ASAP1: variants seen among roughly 807,000 people sequenced by gnomAD.
The protein encoded by ASAP1 is ArfGAP with SH3 domain, ankyrin repeat and PH domain 1, also known as arf-GAP with SH3 domain, ANK repeat and PH domain-containing protein 1.
In ASAP1, 43 loss-of-function variants were observed where a neutral mutation model predicts 145.2. That is an observed-to-expected ratio of 0.30 (90% CI 0.23 to 0.38). ASAP1 has a LOEUF of 0.38. ASAP1 is among the 10% of genes least tolerant of loss of function. ASAP1 has a pLI of 1.00. For missense variants in ASAP1, 1,018 were observed against 1,355.3 expected (o/e 0.75, Z 3.91); for synonymous variants, 546 against 515.5 (o/e 1.06, Z -0.80).
intron 2 of ASAP1, among the ~76,000 whole-genome samples, chr8:130,372,914 AC>A (rs1364922189): frequency 1.3e-5 from 2 of 152,088 alleles, no homozygotes; most frequent in Non-Finnish European, 2.9e-5. Flanking sequence ...AGACATATAG[AC>A]ACACATACAC....
At chr8:130,102,186 G>A (rs925268980) in intron 24 of ASAP1, among the ~76,000 whole-genome samples, 9 of 152,184 alleles carry the variant, frequency 5.9e-5, no homozygotes, top group Admixed American at 5.9e-4. Flanking sequence ...AGTTCTTAGA[G>A]AAAAAGCTTT....
intron 3 of ASAP1, among the ~76,000 whole-genome samples, chr8:130,343,917 T>C (rs189804447): frequency 5.4e-4 from 83 of 152,340 alleles, no homozygotes; most frequent in Non-Finnish European, 9.8e-4. Flanking sequence ...AGCAAAATAC[T>C]TGAAGTGACA....
chr8:130,259,636 A>G (rs1398677737), intron 3 of ASAP1, among the ~76,000 whole-genome samples: 1 of 152,246 alleles, frequency 6.6e-6, no homozygotes, highest in East Asian at 1.9e-4. Context: ...CTAATGAACC[A>G]TCATTATCTT....
chr8:130,237,894 C>A (rs1818306965), intron 3 of ASAP1, among the ~76,000 whole-genome samples: 1 of 152,028 alleles, frequency 6.6e-6, no homozygotes, highest in South Asian at 2.1e-4. Flanking sequence ...CTCTGGTCTG[C>A]TTGGGAACCC....
chr8:130,101,731 A>ATTTTTTTTTTTTTTTT, intron 24 of ASAP1, among the ~76,000 whole-genome samples: 1 of 39,632 alleles, frequency 2.5e-5, no homozygotes, highest in Admixed American at 2.3e-4. Flanking sequence ...ACACCTGGTT[A>ATTTTTTTTTTTTTTTT]ATTTTTTTTT....
intron 12 of ASAP1, among the ~76,000 whole-genome samples, chr8:130,158,217 C>A (rs1357201914): frequency 1.3e-5 from 2 of 151,640 alleles, no homozygotes; most frequent in African/African-American, 4.8e-5. Context: ...TAAAAAAAAA[C>A]AATGACAATA....
intron 3 of ASAP1, among the ~76,000 whole-genome samples, chr8:130,318,885 C>CTGAT (rs1187483400): frequency 3.3e-5 from 5 of 152,190 alleles, no homozygotes; most frequent in Non-Finnish European, 7.3e-5. Flanking sequence ...GGGCCTTCAG[C>CTGAT]TGATGGTCTC....
At chr8:130,080,416 A>G (rs550579457) in intron 25 of ASAP1, among the ~76,000 whole-genome samples, 4 of 152,022 alleles carry the variant, frequency 2.6e-5, no homozygotes, top group Admixed American at 1.3e-4. Flanking sequence ...AGGGTGGTGG[A>G]TAAGTGGTCA....
At chr8:130,215,975 AAAAGG>A (rs201649133) in intron 4 of ASAP1, among the ~76,000 whole-genome samples, 7,589 of 128,200 alleles carry the variant, frequency 0.059, 315 homozygotes, top group African/African-American at 0.11. Context: ...AAGAAAAAGA[AAAAGG>A]AAAGGAAAGG....
At chr8:130,138,669 T>G (rs747185756) in intron 13 of ASAP1, among the ~76,000 whole-genome samples, 1 of 151,910 alleles carries the variant, frequency 6.6e-6, no homozygotes, top group African/African-American at 2.4e-5. Context: ...AAACCCTGTC[T>G]CTACTAAAAA....
intron 3 of ASAP1, among the ~76,000 whole-genome samples, chr8:130,306,625 G>T (rs940811461): frequency 2.6e-5 from 4 of 152,118 alleles, no homozygotes; most frequent in African/African-American, 9.7e-5. Context: ...GGGCACAAGC[G>T]GAACAAACTC....
chr8:130,300,145 C>CAGAG (rs1565185889), intron 3 of ASAP1, among the ~76,000 whole-genome samples: 6 of 107,454 alleles, frequency 5.6e-5, no homozygotes, highest in East Asian at 2.9e-4. Flanking sequence ...CACACACACA[C>CAGAG]ACACACACAG....
intron 3 of ASAP1, among the ~76,000 whole-genome samples, chr8:130,256,738 CTTATATATATATATATATATATATATAT>C (rs1457096907): frequency 8.6e-4 from 61 of 70,812 alleles, no homozygotes; most frequent in Non-Finnish European, 3.9e-4. Flanking sequence ...TATACACATT[CTTATATATATATATATATATATATATAT>C]ATATATATAT....
At chr8:130,264,224 A>G (rs1056584352) in intron 3 of ASAP1, among the ~76,000 whole-genome samples, 9 of 152,202 alleles carry the variant, frequency 5.9e-5, no homozygotes, top group Non-Finnish European at 1.3e-4. Flanking sequence ...TAAACAACGG[A>G]GGCTCCTAAA....
chr8:130,144,101 C>CAATA lies in ASAP1; in HGVS notation c.1081-7067_1081-7064dup, dbSNP rs139486329. On this transcript the variant is annotated intron_variant, in intron 13 of 29. Transcript: ENST00000518721. ...TTATGGTCATTTCAAAGTTTTCATT[C>CAATA]AATAAATAGTTTTTTAGACACCTAC... Among the ~76,000 whole-genome samples, 23 of 152,282 alleles carry CAATA rather than the reference C, an allele frequency of 1.5e-4. No individual in the cohort carries two copies. In the East Asian group the frequency reaches 4.4e-3, roughly 29 times the overall value.
intron 24 of ASAP1, among the ~76,000 whole-genome samples, chr8:130,105,507 A>C (rs1404512662): frequency 6.6e-6 from 1 of 152,198 alleles, no homozygotes; most frequent in East Asian, 1.9e-4. Flanking sequence ...TTCTCTTAGC[A>C]ATTTTCAAGA....
chr8:130,366,019 A>T (rs531027660), intron 2 of ASAP1, among the ~76,000 whole-genome samples: 2 of 152,318 alleles, frequency 1.3e-5, no homozygotes, highest in African/African-American at 4.8e-5. Context: ...TTTTTGGATA[A>T]GGAAACTGAT....
intron 14 of ASAP1, 22 bp from the exon 15 acceptor site, chr8:130,134,366 A>G (rs201735455): frequency 7.2e-4 from 1,078 of 1,498,842 alleles, no homozygotes; most frequent in Non-Finnish European, 9.5e-4. Flanking sequence ...AAAAAGAAAA[A>G]TAAGTGAAAC....
rs184932232 is a variant in ASAP1, at chr8:130,380,173, C to T, written c.59+21712G>A. 1.3e-4 allele frequency among the ~76,000 whole-genome samples: 20 copies of T among 152,304 alleles called. No homozygotes were observed. The East Asian group carries it at 3.1e-3, about 24-fold the overall frequency. ...GAGTCTATTTGGGAAGTGATCCCAA[C>T]TAGATGAATGGGGAAATAAAACAGC... On this transcript the variant is annotated intron_variant, in intron 2 of 29. Transcript: ENST00000518721.
Sources: gnomAD v4.1 joint callset for allele counts (sites outside exome capture counted in the v4.1 genomes callset) on GRCh38, gnomAD v4.1.1 for gene constraint, MANE v1.5 for transcripts, NCBI Gene and HGNC (gene_info 2026-07-23, HGNC 2026-07-21) for gene names.